The following SCYGR5 variants were observed in gnomAD, a reference collection of about 807,000 sequenced individuals.
The protein encoded by SCYGR5 is small cysteine and glycine repeat-containing protein 5.
exon 1 of SCYGR5, chr2:227,666,851 T>C (rs113748424): frequency 5.8e-4 from 233 of 399,376 alleles, no homozygotes; most frequent in African/African-American, 2.1e-3. Flanking sequence ...GTGGCGGCTG[T>C]GGTGGTGGCT....
At chr2:227,666,884 G>A in exon 1 of SCYGR5, 1 of 395,460 alleles carries the variant, frequency 2.5e-6, no homozygotes, top group Non-Finnish European at 4.4e-6. Context: ...CCACCTGCAG[G>A]TGCTACCGGG....
exon 1 of SCYGR5, chr2:227,666,852 G>T: frequency 2.5e-6 from 1 of 400,570 alleles, no homozygotes. Flanking sequence ...TGGCGGCTGT[G>T]GTGGTGGCTG....
rs1559234272 is a variant in SCYGR5 at position 227,666,851 on chromosome 2, T to TGGTGGTGGCTGC, written c.59_60insCGGTGGTGGCTG (p.Gly18_Gly21dup). 7 of 399,430 alleles carry TGGTGGTGGCTGC rather than the reference T, an allele frequency of 1.8e-5. No individual in the cohort carries two copies. In the South Asian group the frequency reaches 3.8e-4, roughly 21 times the overall value. 24.7% of individuals were successfully genotyped at this position (399,430 alleles called of 1,614,324 possible). On this transcript the variant is annotated inframe_insertion, in exon 1 of 1. Coordinates refer to ENST00000641976, the Ensembl canonical transcript of SCYGR5. ...GTTGTGGTGGCTGCGGTGGCGGCTG[T>TGGTGGTGGCTGC]GGTGGTGGCTGTGGCAGCTGCACCA...
rs1380017925 is a variant in SCYGR5 at position 227,666,923 on chromosome 2, CT to C, written c.121del (p.Cys41AlafsTer13). 2.5e-6 allele frequency: 1 copy of C among 399,034 alleles called. No individual in the cohort carries two copies. The highest frequency in any genetic ancestry group is 2.1e-5 in the African/African-American group (1 of 48,602). The allele number at this position is 399,034 out of a possible 1,614,324, so 24.7% of individuals were successfully genotyped here. Reference sequence around the variant, plus strand: ...GCTGCTGCTCCAGCTGCTGCCCCTGCTGCCGCGGCTGCTGTGGGGGCTGCTG... The same window carrying C: ...GCTGCTGCTCCAGCTGCTGCCCCTGCGCCGCGGCTGCTGTGGGGGCTGCTG... On this transcript the variant is annotated frameshift_variant, in exon 1 of 1. Coordinates refer to ENST00000641976, the Ensembl canonical transcript of SCYGR5. LOFTEE classifies it high-confidence loss of function.
chr2:227,666,927 C>T (rs969075869), exon 1 of SCYGR5: 11 of 398,584 alleles, frequency 2.8e-5, no homozygotes, highest in Non-Finnish European at 4.9e-5. Context: ...CCCCTGCTGC[C>T]GCGGCTGCTG....
At chr2:227,666,968 C>T (rs545716611) in exon 1 of SCYGR5, 40 of 395,040 alleles carry the variant, frequency 1.0e-4, no homozygotes, top group Middle Eastern at 6.3e-4. Flanking sequence ...CTGTGATCTG[C>T]TGCTGCCGCC....
exon 1 of SCYGR5, chr2:227,666,987 T>G (rs146207758): frequency 0.023 from 9,062 of 398,994 alleles, 324 homozygotes; most frequent in Admixed American, 0.12. Flanking sequence ...CCGCACCTGC[T>G]GCTCATGTGG....
At chr2:227,666,967 G>A in exon 1 of SCYGR5, 1 of 395,070 alleles carries the variant, frequency 2.5e-6, no homozygotes, top group Non-Finnish European at 4.4e-6. Context: ...CCTGTGATCT[G>A]CTGCTGCCGC....
chr2:227,666,982 C>A, exon 1 of SCYGR5: 2 of 394,988 alleles, frequency 5.1e-6, no homozygotes, highest in Non-Finnish European at 8.9e-6. Context: ...TGCCGCCGCA[C>A]CTGCTGCTCA....
chr2:227,666,943 G>T, exon 1 of SCYGR5: 1 of 395,084 alleles, frequency 2.5e-6, no homozygotes, highest in East Asian at 3.6e-5. Flanking sequence ...TGCTGTGGGG[G>T]CTGCTGCAGC....
chr2:227,667,026 C>A (rs940115228), exon 1 of SCYGR5: 3 of 399,294 alleles, frequency 7.5e-6, no homozygotes, highest in Non-Finnish European at 1.3e-5. Context: ...CTGTTGCCAG[C>A]AGAAAGGCTG....
exon 1 of SCYGR5, chr2:227,666,845 C>CTGTGGT (rs1559234261): frequency 7.5e-6 from 3 of 398,790 alleles, no homozygotes; most frequent in Non-Finnish European, 1.3e-5. Flanking sequence ...GCTGCGGTGG[C>CTGTGGT]GGCTGTGGTG....
exon 1 of SCYGR5, chr2:227,667,044 A>G (rs1694715967): frequency 7.5e-6 from 3 of 399,264 alleles, no homozygotes; most frequent in Non-Finnish European, 1.3e-5. Flanking sequence ...CTGCTGCCAG[A>G]AGCAATGCTG....
chr2:227,666,943 G>A (rs1365045254), exon 1 of SCYGR5: 1 of 394,966 alleles, frequency 2.5e-6, no homozygotes, highest in Non-Finnish European at 4.4e-6. Context: ...TGCTGTGGGG[G>A]CTGCTGCAGC....
At chr2:227,666,978 C>T (rs1400860643) in exon 1 of SCYGR5, 17 of 394,906 alleles carry the variant, frequency 4.3e-5, no homozygotes, top group South Asian at 3.8e-4. Context: ...CTGCTGCCGC[C>T]GCACCTGCTG....
chr2:227,666,972 T>C, exon 1 of SCYGR5: 2 of 394,950 alleles, frequency 5.1e-6, no homozygotes, highest in Non-Finnish European at 4.4e-6. Flanking sequence ...GATCTGCTGC[T>C]GCCGCCGCAC....
exon 1 of SCYGR5, chr2:227,667,058 C>T (rs55714523): frequency 0.11 from 42,614 of 398,972 alleles, 2,575 homozygotes; most frequent in South Asian, 0.15. Flanking sequence ...AATGCTGCTG[C>T]TAGGCGGCCG....
At position 227,666,879 on chromosome 2, in the gene SCYGR5, T is replaced by G. The variant is rs1473439845; in HGVS notation, c.76T>G (p.Cys26Gly). ...TGGTGGCTGTGGCAGCTGCACCACC[T>G]GCAGGTGCTACCGGGTGGGCTGCTG... The change falls in exon 1 of 1, where the codon TGC becomes GGC. Residue 26 changes from cysteine to glycine, a missense_variant. Coordinates refer to ENST00000641976, the Ensembl canonical transcript of SCYGR5. The G allele has an allele frequency of 7.6e-6, 3 of 394,956 alleles. No individual in the cohort carries two copies. The East Asian group carries it at 1.1e-4, about 14-fold the overall frequency. The allele number at this position is 394,956 out of a possible 1,614,324, so 24.5% of individuals were successfully genotyped here.
chr2:227,666,839 C>T (rs1004195723), exon 1 of SCYGR5: 22 of 400,194 alleles, frequency 5.5e-5, no homozygotes, highest in Non-Finnish European at 8.4e-5. Context: ...GTGGTGGCTG[C>T]GGTGGCGGCT....
Sources: gnomAD v4.1 joint callset for allele counts on GRCh38, gnomAD v4.1.1 for gene constraint, MANE v1.5 for transcripts, NCBI Gene and HGNC (gene_info 2026-07-23, HGNC 2026-07-21) for gene names.